The following HID1 variants were observed in gnomAD, a reference collection of about 807,000 sequenced individuals.
The protein encoded by HID1 is HID1 domain containing, also known as protein HID1.
A neutral mutation model predicts 89.7 loss-of-function variants in HID1; 42 were observed. The ratio of observed to expected loss-of-function variants is 0.47; its 90% CI spans 0.37 to 0.61. HID1 has a LOEUF of 0.61. Ranked by LOEUF, HID1 falls within the 20% of genes least tolerant of loss-of-function variation. HID1 has a pLI of 0.00. For missense variants in HID1, 854 were observed against 1,039.3 expected, an observed-to-expected ratio of 0.82 and a Z score of 2.45; for synonymous variants, 442 against 433.8, an observed-to-expected ratio of 1.02 and a Z score of -0.24.
In HID1 at chr17:74,962,873, TGCAATCCGCCCAAGGGAACTTCAACTGG is replaced by T; in HGVS notation, c.504+64_504+91del. 1 of 894,170 alleles carries T rather than the reference TGCAATCCGCCCAAGGGAACTTCAACTGG, an allele frequency of 1.1e-6. No individual in the cohort carries two copies. The highest frequency in any genetic ancestry group is 1.8e-6 in the Non-Finnish European group (1 of 566,254). 55.4% of individuals were successfully genotyped at this position (894,170 alleles called of 1,614,324 possible). On this transcript the variant is annotated intron_variant, in intron 4 of 18. Transcript: ENST00000425042. This position sits in a 1 kb window ranked among gnomAD's most constrained non-coding sequence, Gnocchi z 4.3. ...TCTCCTGGAGCCCCCCGGCCCCCAG[TGCAATCCGCCCAAGGGAACTTCAACTGG>T]CCCGGCCCCAACCCAGGACCAGAGC...
In HID1 at chr17:74,953,613, C is replaced by A. The variant is rs137865978; in HGVS notation, c.1903G>T (p.Asp635Tyr). The change falls in exon 15 of 19, where the codon GAT becomes TAT. Residue 635 changes from aspartate (D) to tyrosine (Y), a missense_variant. Asp to Tyr is a radical substitution (Grantham distance 160). Transcript: ENST00000425042. ...GGTTCCAGGGACCGCAAGGTGCCAT[C>A]CTCTGACACCTGGGACTTCTCGGTC... ...KLTEKSQVSE[D>Y]GTLRSLEPEP... 3.1e-6 allele frequency: 5 copies of A among 1,614,142 alleles called. No homozygotes were observed. The highest frequency in any genetic ancestry group is 4.2e-6 in the Non-Finnish European group (5 of 1,179,986).
chr17:74,952,570 G>A lies in HID1; in HGVS notation c.2053-210C>T, dbSNP rs114296982. ...CCGCGTTAAGCCAGAGCTGTGCCAC[G>A]TGCCTCTCGGGAGACTGTGGCCTTT... On this transcript the variant is annotated intron_variant, in intron 16 of 18. Coordinates refer to ENST00000425042, the MANE Select transcript of HID1 (RefSeq NM_030630.3). Among the ~76,000 whole-genome samples, 1,031 of 152,292 alleles carry A rather than the reference G, an allele frequency of 6.8e-3. 12 individuals carry two copies. Among genetic ancestry groups the A allele is most frequent in the African/African-American group, 0.024 (979 of 41,558 alleles).
rs1003547786 is a variant in HID1 at position 74,972,731 on chromosome 17, C to T, written c.-75G>A. The T allele has an allele frequency of 7.4e-7, 1 of 1,350,950 alleles. No individual in the cohort carries two copies. Among genetic ancestry groups the T allele is most frequent in the Non-Finnish European group, 9.9e-7 (1 of 1,010,444 alleles). 83.7% of individuals were successfully genotyped at this position (1,350,950 alleles called of 1,614,324 possible). A position where few individuals can be genotyped will look rare whatever the true frequency, so the allele number is the denominator to read the frequency against. On this transcript the variant is annotated 5_prime_UTR_variant, in exon 1 of 19. Transcript: ENST00000425042. This position sits in a 1 kb window ranked among gnomAD's most constrained non-coding sequence, Gnocchi z 6.4. ...TCCGGCTTCAGCTCCGGCTCCAGCT[C>T]CGCGGCCCCCGCGGCTCTCGCAGGA...
At chr17:74,951,793 G>A (rs1469884091) in intron 18 of HID1, 112 bp downstream of exon 18, 2 of 1,388,470 alleles carry the variant, frequency 1.4e-6, no homozygotes, top group African/African-American at 2.9e-5. Flanking sequence ...CGCCTTAGTT[G>A]ACTGTCTTGA....
chr17:74,954,516 C>G, intron 13 of HID1, 151 bp from the exon 14 acceptor site: 1 of 1,393,504 alleles, frequency 7.2e-7, no homozygotes, highest in South Asian at 1.3e-5. Context: ...AGAGAGGGTG[C>G]TGGGGCAGGG....
intron 2 of HID1, chr17:74,964,156 A>G (rs972584355): frequency 1.7e-6 from 1 of 596,690 alleles, no homozygotes; most frequent in Non-Finnish European, 3.0e-6. Context: ...TAGCCACTGG[A>G]TGGCTGAGGC....
rs556427278 is a variant in HID1 at position 74,961,117 on chromosome 17, G to A, written c.728+756C>T. Among the ~76,000 whole-genome samples the A allele has an allele frequency of 7.9e-5, 12 of 152,278 alleles. No homozygotes were observed. In the South Asian group the frequency reaches 1.2e-3, roughly 16 times the overall value. ...TCGAGCCCTTGGAATGTGGCTGATC[G>A]GAACCAAGACAAATACACACTGGAT... On this transcript the variant is annotated intron_variant, in intron 6 of 18. Transcript: ENST00000425042.
rs1445393525 is a variant in HID1 at position 74,962,354 on chromosome 17, A to G, written c.505-14T>C. The G allele has an allele frequency of 2.5e-6, 4 of 1,587,706 alleles. No individual in the cohort carries two copies. In the African/African-American group the frequency reaches 5.4e-5, roughly 21 times the overall value. ...CTCTGCCGAGTCCTGGGGACAGGCC[A>G]GGAAGAAGCCGGGTTAGGGGGTCGA... is the stretch of plus-strand genomic sequence containing the variant. On this transcript the variant is annotated splice_polypyrimidine_tract_variant and intron_variant, in intron 4 of 18. Coordinates refer to ENST00000425042, the MANE Select transcript of HID1 (RefSeq NM_030630.3). This position sits in a 1 kb window ranked among gnomAD's most constrained non-coding sequence, Gnocchi z 4.3.
rs2039532020 is a variant in HID1 at position 74,964,474 on chromosome 17, A to G, written c.216+9T>C. The G allele has an allele frequency of 1.9e-6, 3 of 1,607,322 alleles. No homozygotes were observed. Among genetic ancestry groups the G allele is most frequent in the Admixed American group, 1.7e-5 (1 of 59,168 alleles). ...GGAAGAGTAGCAGGAGGGACTGGGC[A>G]GCCCTCACCTTGTAGCACAGGGTGG... On this transcript the variant is annotated intron_variant, in intron 2 of 18. Coordinates refer to ENST00000425042, the MANE Select transcript of HID1 (RefSeq NM_030630.3).
chr17:74,958,710 G>A lies in HID1; in HGVS notation c.1203C>T (p.Pro401=). 1 of 1,612,070 alleles carries A rather than the reference G, an allele frequency of 6.2e-7. No individual in the cohort carries two copies. ...GGGCATCGTTGAGGAAGAAGAGGAT[G>A]GGGACAAGGATGTCTAGGACGTCGC... ...KSSDVLDILV[P]ILFFLNDARA... Residue 401 remains proline, a synonymous_variant, in exon 10 of 19, where the codon CCC becomes CCT. Transcript: ENST00000425042. The surrounding 1 kb of genome is among the most constrained non-coding windows in gnomAD (Gnocchi z 5.2).
rs1268280547 is a variant in HID1 at position 74,963,069 on chromosome 17, C to A, written c.400G>T (p.Asp134Tyr). The change falls in exon 4 of 19, where the codon GAT becomes TAT. Residue 134 changes from aspartate (D) to tyrosine (Y), a missense_variant. Physicochemically the swap from Asp to Tyr is radical, Grantham distance 160. Coordinates refer to ENST00000425042, the MANE Select transcript of HID1 (RefSeq NM_030630.3). ...GAGRGGQGEE[D>Y]DEHARPLAES... ...GCCAGGGGCCTGGCATGCTCATCAT[C>A]CTCTTCTCCCTGCTGGGGACACAGC... 4.4e-6 allele frequency: 7 copies of A among 1,607,554 alleles called. No individual in the cohort carries two copies. Among genetic ancestry groups the A allele is most frequent in the South Asian group, 1.1e-5 (1 of 90,186 alleles).
chr17:74,962,313 C>G lies in HID1; in HGVS notation c.532G>C (p.Asp178His). 6.2e-7 allele frequency: 1 copy of G among 1,611,762 alleles called. No individual in the cohort carries two copies. Among genetic ancestry groups the G allele is most frequent in the Non-Finnish European group, 8.5e-7 (1 of 1,178,308 alleles). Residue 178 changes from aspartate to histidine, a missense_variant, in exon 5 of 19, where the codon GAC becomes CAC. Asp to His is a moderately conservative substitution (Grantham distance 81, BLOSUM62 -1). Transcript: ENST00000425042. This position sits in a 1 kb window ranked among gnomAD's most constrained non-coding sequence, Gnocchi z 4.3. ...GCCTCCCAGATGTATTCACAGCTGT[C>G]CAGGGAGTGGACGTCCTCTGCCGAG... is the stretch of plus-strand genomic sequence containing the variant. ...VDSAEDVHSL[D>H]SCEYIWEAGV...
At position 74,954,193 on chromosome 17, in the gene HID1, G is replaced by A; in HGVS notation, c.1809C>T (p.Arg603=). The part of the protein sequence containing the change: ...SQEGTSMEGS[R]PAAPAEPGTL... ...TGCCTGGCTCTGCAGGGGCAGCGGG[G>A]CGGGAGCCCTCCATGGAGGTGCCCT... is the stretch of plus-strand genomic sequence containing the variant. Residue 603 remains arginine, a synonymous_variant, in exon 14 of 19, where the codon CGC becomes CGT. Transcript: ENST00000425042. The A allele has an allele frequency of 6.2e-7, 1 of 1,603,018 alleles. No individual in the cohort carries two copies. Among genetic ancestry groups the A allele is most frequent in the Non-Finnish European group, 8.5e-7 (1 of 1,176,090 alleles).
At chr17:74,951,766 C>T (rs748651163) in intron 18 of HID1, 133 bp from the exon 19 acceptor site, 29 of 1,353,788 alleles carry the variant, frequency 2.1e-5, no homozygotes, top group African/African-American at 5.8e-5. Context: ...CGGGTGCCAC[C>T]GTCAACCAGG....
rs1251968638 is a variant in HID1, at chr17:74,950,804, G to C, written c.*766C>G. The C allele has an allele frequency of 6.6e-6, 1 of 152,454 alleles. No homozygotes were observed. Among genetic ancestry groups the C allele is most frequent in the Non-Finnish European group, 1.5e-5 (1 of 68,232 alleles). 9.4% of individuals were successfully genotyped at this position (152,454 alleles called of 1,614,324 possible). A position where few individuals can be genotyped will look rare whatever the true frequency, so the allele number is the denominator to read the frequency against. On this transcript the variant is annotated 3_prime_UTR_variant, in exon 19 of 19. Coordinates refer to ENST00000425042, the MANE Select transcript of HID1 (RefSeq NM_030630.3). ...TACAGAGCAAAGATTGTTCTGACAC[G>C]GGGGGCTGGGTGGTGGGACCCAGAG... is the stretch of plus-strand genomic sequence containing the variant.
At position 74,959,965 on chromosome 17, in the gene HID1, C is replaced by T; in HGVS notation, c.952-28G>A. ...GCCAAGAGGAGAAGCCCCTGGTGAG[C>T]AGGCGTCCTCCCCACAACCCGTGGC... On this transcript the variant is annotated intron_variant, in intron 7 of 18. Transcript: ENST00000425042. This position sits in a 1 kb window ranked among gnomAD's most constrained non-coding sequence, Gnocchi z 4.6. The T allele has an allele frequency of 6.2e-7, 1 of 1,613,556 alleles. No individual in the cohort carries two copies. Among genetic ancestry groups the T allele is most frequent in the South Asian group, 1.1e-5 (1 of 91,074 alleles).
intron 15 of HID1, 107 bp downstream of exon 15, chr17:74,953,438 C>T (rs2039337595): frequency 1.2e-6 from 1 of 847,894 alleles, no homozygotes; most frequent in African/African-American, 1.7e-5. Flanking sequence ...GTAACTGCCC[C>T]TCTGCTGCAG....
Position 74,956,872 on chromosome 17 carries a change from G to T in HID1, c.1472-916C>A, listed in dbSNP as rs901710166. Among the ~76,000 whole-genome samples, 8 of 152,330 alleles carry T rather than the reference G, an allele frequency of 5.3e-5. 1 individual carries two copies. Among genetic ancestry groups the T allele is most frequent in the Admixed American group, 3.9e-4 (6 of 15,292 alleles). ...GCAGTCCTTGCTGGGTGGGGGTAGGGGCTGGACAGGGAGGACAAAGGCAGA... is the reference window on the plus strand; with the variant it reads ...GCAGTCCTTGCTGGGTGGGGGTAGGTGCTGGACAGGGAGGACAAAGGCAGA... On this transcript the variant is annotated intron_variant, in intron 12 of 18. Transcript: ENST00000425042.
chr17:74,952,814 C>G (rs1598614651), intron 16 of HID1, among the ~76,000 whole-genome samples, 192 bp downstream of exon 16: 2 of 152,302 alleles, frequency 1.3e-5, no homozygotes, highest in South Asian at 4.1e-4. Flanking sequence ...GCCAGAGAGG[C>G]TGAACACATG....
Sources: allele counts gnomAD v4.1 joint callset (sites outside exome capture counted in the v4.1 genomes callset), GRCh38; gene constraint gnomAD v4.1.1; non-coding constraint Gnocchi (gnomAD v3.1); transcripts MANE v1.5; gene names NCBI Gene and HGNC (gene_info 2026-07-23, HGNC 2026-07-21).